LRRC4C: variants seen among roughly 807,000 people sequenced by gnomAD.
LRRC4C encodes the protein leucine rich repeat containing 4C, also known as leucine-rich repeat-containing protein 4C.
A neutral mutation model predicts 33.6 loss-of-function variants in LRRC4C; 5 were observed. The observed-to-expected ratio is 0.15, with a 90% CI of 0.08 to 0.31. The LOEUF is 0.31. Ranked by LOEUF, LRRC4C falls within the 10% of genes least tolerant of loss-of-function variation. The probability of loss-of-function intolerance (pLI) is 1.00; values close to 1 mark genes in which losing one functional copy is unlikely to be tolerated. For missense variants in LRRC4C, 560 were observed against 796.7 expected (o/e 0.70, Z 3.58); for synonymous variants, 329 against 302.0 (o/e 1.09, Z -0.93).
chr11:40,887,753 C>T (rs1021476156), intron 2 of LRRC4C, among the ~76,000 whole-genome samples: 1 of 151,916 alleles, frequency 6.6e-6, no homozygotes, highest in Non-Finnish European at 1.5e-5. Flanking sequence ...TGTGTACATG[C>T]TAAGTCTGAA....
At chr11:40,880,166 G>A (rs531358603) in intron 2 of LRRC4C, among the ~76,000 whole-genome samples, 3 of 152,088 alleles carry the variant, frequency 2.0e-5, no homozygotes, top group African/African-American at 4.8e-5. Context: ...AGACCTGAGA[G>A]GGGGGAAGAC....
At chr11:40,828,525 C>A (rs184816835) in intron 2 of LRRC4C, among the ~76,000 whole-genome samples, 1 of 151,662 alleles carries the variant, frequency 6.6e-6, no homozygotes, top group African/African-American at 2.4e-5. Flanking sequence ...TTACATGGTT[C>A]GCATTTATAC....
At chr11:41,042,338 C>A (rs1235916463) in intron 1 of LRRC4C, among the ~76,000 whole-genome samples, 2 of 152,104 alleles carry the variant, frequency 1.3e-5, no homozygotes, top group Non-Finnish European at 2.9e-5. Context: ...AGTTGATATA[C>A]ACAATCACCA....
chr11:40,204,823 C>T (rs1863026454), intron 5 of LRRC4C, among the ~76,000 whole-genome samples: 1 of 152,184 alleles, frequency 6.6e-6, no homozygotes, highest in South Asian at 2.1e-4. Flanking sequence ...GAATAAACTT[C>T]CTTGCCTGCT....
intron 1 of LRRC4C, among the ~76,000 whole-genome samples, chr11:40,971,109 A>G (rs1403190598): frequency 6.6e-6 from 1 of 152,234 alleles, no homozygotes; most frequent in Non-Finnish European, 1.5e-5. Flanking sequence ...GTTTCTGGAG[A>G]AGAATTCAAG....
intron 1 of LRRC4C, among the ~76,000 whole-genome samples, chr11:41,353,293 C>A (rs953821958): frequency 2.6e-5 from 4 of 151,970 alleles, no homozygotes; most frequent in Non-Finnish European, 4.4e-5. Flanking sequence ...TTCCTGGAAA[C>A]ATACAAACTC....
intron 3 of LRRC4C, among the ~76,000 whole-genome samples, chr11:40,332,855 T>C (rs1946424179): frequency 1.3e-5 from 2 of 152,218 alleles, no homozygotes; most frequent in African/African-American, 2.4e-5. Context: ...TCATCTTCTG[T>C]TCCCATTATA....
chr11:41,082,063 C>T (rs766389739), intron 1 of LRRC4C, among the ~76,000 whole-genome samples: 14 of 152,100 alleles, frequency 9.2e-5, no homozygotes, highest in Non-Finnish European at 1.9e-4. Context: ...TCTCAATGGT[C>T]GCTTGTCTCA....
chr11:41,355,493 G>A (rs753534533), intron 1 of LRRC4C, among the ~76,000 whole-genome samples: 5 of 152,010 alleles, frequency 3.3e-5, no homozygotes, highest in South Asian at 4.1e-4. Context: ...TGTTAAAAGT[G>A]AATAAAGCCA....
At chr11:40,517,787 G>A (rs940686780) in intron 3 of LRRC4C, among the ~76,000 whole-genome samples, 21 of 150,610 alleles carry the variant, frequency 1.4e-4, no homozygotes, top group Non-Finnish European at 2.4e-4. Flanking sequence ...TACCAAAAAA[G>A]AGCCCGCAGA....
At chr11:40,275,036 T>C (rs973198775) in intron 4 of LRRC4C, among the ~76,000 whole-genome samples, 24 of 152,186 alleles carry the variant, frequency 1.6e-4, no homozygotes, top group Admixed American at 1.1e-3. Context: ...TATATCTATA[T>C]GACTTTATAT....
At chr11:40,320,631 A>G (rs1387728211) in intron 3 of LRRC4C, among the ~76,000 whole-genome samples, 1 of 152,230 alleles carries the variant, frequency 6.6e-6, no homozygotes, top group East Asian at 1.9e-4. Flanking sequence ...ACTGGATTCA[A>G]TTCATAACCC....
chr11:40,659,955 C>A (rs1446642036), intron 2 of LRRC4C, among the ~76,000 whole-genome samples: 1 of 152,212 alleles, frequency 6.6e-6, no homozygotes, highest in Non-Finnish European at 1.5e-5. Context: ...GAAACATACC[C>A]CCCTGCTCAT....
intron 1 of LRRC4C, among the ~76,000 whole-genome samples, chr11:41,178,309 A>G (rs1469104845): frequency 6.6e-6 from 1 of 152,212 alleles, no homozygotes; most frequent in Non-Finnish European, 1.5e-5. Context: ...TCACCAGGGT[A>G]GGTTAATAAA....
At chr11:41,025,540 A>C (rs1484552680) in intron 1 of LRRC4C, among the ~76,000 whole-genome samples, 1 of 146,454 alleles carries the variant, frequency 6.8e-6, no homozygotes, top group Non-Finnish European at 1.5e-5. Flanking sequence ...AAAAAAAAAA[A>C]CTTGCAGAAG....
intron 3 of LRRC4C, among the ~76,000 whole-genome samples, chr11:40,623,995 T>G (rs1428872515): frequency 4.6e-5 from 7 of 152,302 alleles, no homozygotes; most frequent in South Asian, 2.1e-4. Flanking sequence ...TGTGTGCATG[T>G]GTGCATACAG....
chr11:40,835,275 AC>A (rs1285666340), intron 2 of LRRC4C, among the ~76,000 whole-genome samples: 1 of 152,198 alleles, frequency 6.6e-6, no homozygotes, highest in African/African-American at 2.4e-5. Context: ...ACTCAAAAAA[AC>A]AAAGCTCTAC....
chr11:41,222,042 G>A (rs1947330805), intron 1 of LRRC4C, among the ~76,000 whole-genome samples: 1 of 152,204 alleles, frequency 6.6e-6, no homozygotes, highest in South Asian at 2.1e-4. Context: ...TAAGGGAGCA[G>A]AGAGTAGAAG....
At chr11:40,535,351 T>C (rs925260283) in intron 3 of LRRC4C, among the ~76,000 whole-genome samples, 1 of 151,902 alleles carries the variant, frequency 6.6e-6, no homozygotes, top group African/African-American at 2.4e-5. Flanking sequence ...TGGAGTGAAA[T>C]AGGTTAGAGA....
Sources: allele counts gnomAD v4.1 joint callset (sites outside exome capture counted in the v4.1 genomes callset), GRCh38; gene constraint gnomAD v4.1.1; transcripts MANE v1.5; gene names NCBI Gene and HGNC (gene_info 2026-07-23, HGNC 2026-07-21).